MEGF9: variants seen among roughly 807,000 people sequenced by gnomAD.
MEGF9 encodes the protein multiple EGF like domains 9, also known as multiple epidermal growth factor-like domains protein 9.
MEGF9 carries 6 observed loss-of-function variants against 46.8 expected under a neutral mutation model. The ratio of observed to expected loss-of-function variants is 0.13; its 90% CI spans 0.07 to 0.25. The LOEUF (loss-of-function observed/expected upper bound fraction) is 0.25, where lower values mean the gene tolerates loss of function less well. Among genes scored for constraint, MEGF9 ranks in the 10% least tolerant of loss-of-function variants. The pLI is 1.00. For missense variants in MEGF9, 683 were observed against 792.4 expected, an observed-to-expected ratio of 0.86 and a Z score of 1.66; for synonymous variants, 302 against 330.7, an observed-to-expected ratio of 0.91 and a Z score of 0.94.
At chr9:120,620,299 T>C (rs2043493206) in intron 3 of MEGF9, among the ~76,000 whole-genome samples, 1 of 152,220 alleles carries the variant, frequency 6.6e-6, no homozygotes, top group African/African-American at 2.4e-5. Flanking sequence ...TATAATGAAG[T>C]ATTCCTGTTG....
intron 1 of MEGF9, among the ~76,000 whole-genome samples, chr9:120,679,869 C>T (rs571470634): frequency 2.1e-5 from 3 of 143,088 alleles, no homozygotes; most frequent in East Asian, 4.3e-4. Context: ...ACCCAGGAGG[C>T]GGAGGTTGCA....
chr9:120,660,192 A>G (rs1023590033), intron 1 of MEGF9, among the ~76,000 whole-genome samples: 1 of 152,146 alleles, frequency 6.6e-6, no homozygotes, highest in Non-Finnish European at 1.5e-5. Context: ...TATTTCAAAC[A>G]GTTCTTTGTT....
chr9:120,639,404 A>T (rs1442088693), intron 2 of MEGF9, among the ~76,000 whole-genome samples: 1 of 147,870 alleles, frequency 6.8e-6, no homozygotes, highest in Non-Finnish European at 1.5e-5. Context: ...AGTACTCGGG[A>T]GGCTGAGGTA....
intron 4 of MEGF9, among the ~76,000 whole-genome samples, chr9:120,608,622 C>T (rs1408784854): frequency 1.3e-5 from 2 of 152,132 alleles, no homozygotes; most frequent in African/African-American, 4.8e-5. Flanking sequence ...ACATCTCTGT[C>T]CTAAATTCCA....
intron 1 of MEGF9, among the ~76,000 whole-genome samples, chr9:120,697,863 T>G (rs747415933): frequency 6.6e-6 from 1 of 151,824 alleles, no homozygotes; most frequent in Non-Finnish European, 1.5e-5. Context: ...TGGGGGAGGA[T>G]AGGGGAGGTG....
At position 120,604,063 on chromosome 9, in the gene MEGF9, T is replaced by C. The variant is rs1374166802; in HGVS notation, c.*1127A>G. On this transcript the variant is annotated 3_prime_UTR_variant, in exon 6 of 6. Transcript: ENST00000373930. ...TTTATATTAATCTATGTAAAATATA[T>C]AGGGTGGCTAATGTCTAATTAGATT... The C allele has an allele frequency of 6.6e-6, 1 of 152,670 alleles. No homozygotes were observed. The highest frequency in any genetic ancestry group is 6.5e-5 in the Admixed American group (1 of 15,280). 9.5% of individuals were successfully genotyped at this position (152,670 alleles called of 1,614,324 possible).
At chr9:120,711,945 T>C (rs1373552859) in intron 1 of MEGF9, among the ~76,000 whole-genome samples, 1 of 152,066 alleles carries the variant, frequency 6.6e-6, no homozygotes, top group Non-Finnish European at 1.5e-5. Flanking sequence ...GTAAGCACAG[T>C]AAGTGTTAAC....
intron 2 of MEGF9, among the ~76,000 whole-genome samples, chr9:120,628,503 A>G (rs1473067811): frequency 7.9e-6 from 1 of 126,888 alleles, no homozygotes; most frequent in African/African-American, 3.0e-5. Context: ...TTTCAGAGAC[A>G]GAGGACAGTT....
intron 4 of MEGF9, among the ~76,000 whole-genome samples, chr9:120,609,100 G>A (rs1267002963): frequency 2.6e-5 from 4 of 152,118 alleles, no homozygotes; most frequent in Admixed American, 2.0e-4. Context: ...AAGTGAAAAC[G>A]TAATAGAATT....
At chr9:120,694,937 G>GATAA (rs10624024) in intron 1 of MEGF9, among the ~76,000 whole-genome samples, 103,571 of 150,880 alleles carry the variant, frequency 0.69, 35,693 homozygotes, top group South Asian at 0.75. Flanking sequence ...CACTCCCAGA[G>GATAA]ATAATTTACT....
chr9:120,612,611 CT>C (rs2043454055), intron 3 of MEGF9, 72 bp from the exon 4 acceptor site: 6 of 1,374,784 alleles, frequency 4.4e-6, no homozygotes, highest in Middle Eastern at 1.9e-4. Flanking sequence ...AAAATCATGC[CT>C]GCAACAAAAA....
chr9:120,611,397 T>A (rs1009448805), intron 4 of MEGF9, among the ~76,000 whole-genome samples: 4 of 152,206 alleles, frequency 2.6e-5, no homozygotes, highest in Middle Eastern at 3.4e-3. Context: ...AACACAATAA[T>A]ATATTATTTA....
intron 3 of MEGF9, among the ~76,000 whole-genome samples, chr9:120,612,819 G>A (rs558832467): frequency 2.6e-5 from 4 of 151,454 alleles, no homozygotes; most frequent in East Asian, 1.9e-4. Context: ...GCAACTATAC[G>A]CCAAGGAGAA....
chr9:120,685,037 T>G (rs974847951), intron 1 of MEGF9, among the ~76,000 whole-genome samples: 5 of 152,172 alleles, frequency 3.3e-5, no homozygotes, highest in African/African-American at 1.2e-4. Flanking sequence ...GATTTCACCG[T>G]GTTAGCCAGG....
chr9:120,702,715 T>G (rs1348196097), intron 1 of MEGF9, among the ~76,000 whole-genome samples: 1 of 152,124 alleles, frequency 6.6e-6, no homozygotes, highest in Non-Finnish European at 1.5e-5. Context: ...AAAGAAGAGC[T>G]GATGTAAGTG....
intron 1 of MEGF9, among the ~76,000 whole-genome samples, chr9:120,671,541 T>C (rs75486971): frequency 0.024 from 3,602 of 152,312 alleles, 150 homozygotes; most frequent in African/African-American, 0.083. Flanking sequence ...GACCAATCTC[T>C]TGGAAACCAA....
chr9:120,662,408 A>G (rs2081775301), intron 1 of MEGF9, among the ~76,000 whole-genome samples: 2 of 152,192 alleles, frequency 1.3e-5, no homozygotes, highest in African/African-American at 4.8e-5. Context: ...TACTGCCCCT[A>G]TTATGAATCC....
At chr9:120,663,257 C>A (rs1265193484) in intron 1 of MEGF9, among the ~76,000 whole-genome samples, 1 of 152,094 alleles carries the variant, frequency 6.6e-6, no homozygotes, top group Non-Finnish European at 1.5e-5. Context: ...AACTTAAGGC[C>A]CGTCCCAGTG....
At chr9:120,611,824 A>AAGG (rs1250286017) in intron 4 of MEGF9, among the ~76,000 whole-genome samples, 2 of 137,096 alleles carry the variant, frequency 1.5e-5, no homozygotes, top group African/African-American at 6.3e-5. Context: ...AAAGAAAAGA[A>AAGG]AAGAAAGAAA....
Sources: allele counts gnomAD v4.1 joint callset (sites outside exome capture counted in the v4.1 genomes callset), GRCh38; gene constraint gnomAD v4.1.1; transcripts MANE v1.5; gene names NCBI Gene and HGNC (gene_info 2026-07-23, HGNC 2026-07-21).